Variants in RHEB observed in about 807,000 individuals in gnomAD.
RHEB encodes Ras homolog, mTORC1 binding.
Under a neutral mutation model 28.8 loss-of-function variants are expected in RHEB, and 2 were observed. The observed-to-expected ratio is 0.07, with a 90% CI of 0.03 to 0.22. RHEB has a LOEUF of 0.22. Among genes scored for constraint, RHEB ranks in the 10% least tolerant of loss-of-function variants. The pLI, the probability that RHEB is intolerant of heterozygous loss-of-function variation, is 1.00. For synonymous variants in RHEB, 69 were observed against 77.3 expected (o/e 0.89, Z 0.56); for missense variants, 76 against 219.9 (o/e 0.35, Z 4.14).
At chr7:151,477,556 A>G (rs1192298369) in intron 3 of RHEB, 141 bp from the exon 4 acceptor site, 1 of 578,146 alleles carries the variant, frequency 1.7e-6, no homozygotes, top group Non-Finnish European at 3.0e-6. Context: ...ACAGCCTACA[A>G]AGTGAAGCTT....
At position 151,470,591 on chromosome 7, in the gene RHEB, A is replaced by T. The variant is rs200316171; in HGVS notation, c.442T>A (p.Ser148Thr). Reference protein sequence around the residue: ...AESWNAAFLESSAKENQTAVD... With the variant: ...AESWNAAFLETSAKENQTAVD... ...GTTACCTGATTTTCTTTAGCAGAAG[A>T]TTCCAAAAAAGCTGCATTCCAAGAT... Residue 148 changes from serine (S) to threonine (T), a missense_variant, in exon 7 of 8, where the codon TCT becomes ACT. Transcript: ENST00000262187. 6.2e-7 allele frequency: 1 copy of T among 1,612,476 alleles called. No homozygotes were observed.
intron 1 of RHEB, among the ~76,000 whole-genome samples, chr7:151,492,562 A>T (rs1802602475): frequency 8.3e-6 from 1 of 120,160 alleles, no homozygotes; most frequent in Non-Finnish European, 2.0e-5. Context: ...GGTTGCAGTG[A>T]GCTGAGATGG....
chr7:151,505,802 G>T (rs890439082), intron 1 of RHEB, among the ~76,000 whole-genome samples: 1 of 152,172 alleles, frequency 6.6e-6, no homozygotes, highest in African/African-American at 2.4e-5. Flanking sequence ...CCATTCAACA[G>T]AATACCACTT....
chr7:151,498,441 AC>A (rs1048784298), intron 1 of RHEB, among the ~76,000 whole-genome samples: 1 of 151,052 alleles, frequency 6.6e-6, no homozygotes, highest in African/African-American at 2.4e-5. Context: ...ACACAGTGAG[AC>A]CCCCCCAGTC....
In RHEB at chr7:151,510,654, T is replaced by C. The variant is rs1050642661; in HGVS notation, c.52+8806A>G. 5.9e-5 allele frequency among the ~76,000 whole-genome samples: 9 copies of C among 152,370 alleles called. No homozygotes were observed. The East Asian group carries it at 1.3e-3, about 23-fold the overall frequency. On this transcript the variant is annotated intron_variant, in intron 1 of 7. Transcript: ENST00000262187. ...GTAGAGCATTTATTCAAATGCTTAA[T>C]GAACACCTAATTTGAATAACACATA... is the stretch of plus-strand genomic sequence containing the variant.
intron 7 of RHEB, 70 bp from the exon 8 acceptor site, chr7:151,467,281 A>G: frequency 8.5e-7 from 1 of 1,179,820 alleles, no homozygotes; most frequent in Non-Finnish European, 1.3e-6. Context: ...TTACGGACTG[A>G]GGAGGGCGTG....
chr7:151,518,235 G>A lies in RHEB; in HGVS notation c.52+1225C>T, dbSNP rs77655321. Among the ~76,000 whole-genome samples the A allele has an allele frequency of 6.3e-3, 962 of 152,298 alleles. 15 individuals are homozygous for A. The highest frequency in any genetic ancestry group is 0.022 in the African/African-American group (903 of 41,558). ...TTTCCCCCCGGCTCTCGACGGAGAGGTGGTAAAAGGATGAGTAAGCATGCA... is the reference window on the plus strand; with the variant it reads ...TTTCCCCCCGGCTCTCGACGGAGAGATGGTAAAAGGATGAGTAAGCATGCA... On this transcript the variant is annotated intron_variant, in intron 1 of 7. Transcript: ENST00000262187.
At chr7:151,514,259 A>G (rs1237061698) in intron 1 of RHEB, among the ~76,000 whole-genome samples, 1 of 152,274 alleles carries the variant, frequency 6.6e-6, no homozygotes, top group African/African-American at 2.4e-5. Context: ...AAGAGTTAAC[A>G]GGATAAAATA....
intron 3 of RHEB, among the ~76,000 whole-genome samples, chr7:151,482,742 C>G (rs1802400535): frequency 6.6e-6 from 1 of 152,176 alleles, no homozygotes; most frequent in Non-Finnish European, 1.5e-5. Flanking sequence ...TTATTATTAG[C>G]ACCCCCAGCC....
At chr7:151,495,041 T>C (rs954085039) in intron 1 of RHEB, among the ~76,000 whole-genome samples, 1 of 152,232 alleles carries the variant, frequency 6.6e-6, no homozygotes, top group African/African-American at 2.4e-5. Context: ...TTTTCTAGTT[T>C]GTTTGCAACC....
At chr7:151,508,136 T>G (rs1267535001) in intron 1 of RHEB, among the ~76,000 whole-genome samples, 1 of 152,040 alleles carries the variant, frequency 6.6e-6, no homozygotes, top group Non-Finnish European at 1.5e-5. Context: ...GGGATACAGG[T>G]GAGGGTGGGA....
intron 3 of RHEB, among the ~76,000 whole-genome samples, chr7:151,481,538 G>A (rs531175544): frequency 6.6e-6 from 1 of 152,344 alleles, no homozygotes; most frequent in Admixed American, 6.5e-5. Flanking sequence ...AGCTCTTGGA[G>A]CAGTAAACAC....
chr7:151,471,452 GAA>G lies in RHEB; in HGVS notation c.333-13_333-12del. On this transcript the variant is annotated splice_polypyrimidine_tract_variant and intron_variant, in intron 5 of 7. Transcript: ENST00000262187. ...AACATAATAGGTATTCTATTTGTAA[GAA>G]AAAAAAGACAAACCAGTAAGTGCCA... The G allele has an allele frequency of 6.4e-7, 1 of 1,561,834 alleles. No homozygotes were observed.
chr7:151,499,975 GT>G (rs890957749), intron 1 of RHEB, among the ~76,000 whole-genome samples: 71 of 152,120 alleles, frequency 4.7e-4, no homozygotes, highest in South Asian at 1.5e-3. Context: ...CACCCAGTGA[GT>G]TTTTTTTGTA....
rs188984338 is a variant in RHEB, at chr7:151,475,837, A to G, written c.275+1496T>C. ...ATGGAAAAATATATATTACATGGTA[A>G]GTAAAAATATAAAAACATGGAAAAT... On this transcript the variant is annotated intron_variant, in intron 4 of 7. Transcript: ENST00000262187. Among the ~76,000 whole-genome samples, 36 of 152,362 alleles carry G rather than the reference A, an allele frequency of 2.4e-4. No individual in the cohort carries two copies. In the East Asian group the frequency reaches 5.8e-3, roughly 24 times the overall value.
At position 151,466,211 on chromosome 7, in the gene RHEB, G is replaced by C. The variant is rs190849626; in HGVS notation, c.*908C>G. The C allele has an allele frequency of 1.3e-5, 2 of 152,330 alleles. No homozygotes were observed. The highest frequency in any genetic ancestry group is 1.3e-4 in the Admixed American group (2 of 15,300). 9.4% of individuals were successfully genotyped at this position (152,330 alleles called of 1,614,324 possible). A position where few individuals can be genotyped will look rare whatever the true frequency, so the allele number is the denominator to read the frequency against. On this transcript the variant is annotated 3_prime_UTR_variant, in exon 8 of 8. Transcript: ENST00000262187. ...CCTTTACAGCTGCTCCTTGGACAGA[G>C]GGAGGCCCGTCATCTGGGTCTGAAG...
rs530829854 is a variant in RHEB at position 151,487,464 on chromosome 7, C to T, written c.125-2660G>A. Among the ~76,000 whole-genome samples the T allele has an allele frequency of 2.7e-5, 4 of 146,992 alleles. No individual in the cohort carries two copies. In the South Asian group the frequency reaches 8.6e-4, roughly 32 times the overall value. ...ACCAGGGCACCCCATGTTGCCAAGT[C>T]AAAAAAATGCAGAAGATTCGGCCAA... On this transcript the variant is annotated intron_variant, in intron 2 of 7. Transcript: ENST00000262187.
At chr7:151,481,710 CA>C (rs1289434741) in intron 3 of RHEB, among the ~76,000 whole-genome samples, 7 of 152,170 alleles carry the variant, frequency 4.6e-5, no homozygotes, top group Non-Finnish European at 8.8e-5. Flanking sequence ...GCAATGACTA[CA>C]AATAATTTAA....
rs376087347 is a variant in RHEB at position 151,467,084 on chromosome 7, A to T, written c.*35T>A. 2.7e-6 allele frequency: 4 copies of T among 1,476,014 alleles called. No individual in the cohort carries two copies. In the South Asian group the frequency reaches 3.4e-5, roughly 13 times the overall value. The allele number at this position is 1,476,014 out of a possible 1,614,324, so 91.4% of individuals were successfully genotyped here. ...CGGGCAGTTTGCTTCTTCAGGTAGA[A>T]TATATTCCCAGTGTCCTCAGGCTTT... is the stretch of plus-strand genomic sequence containing the variant. On this transcript the variant is annotated 3_prime_UTR_variant, in exon 8 of 8. Coordinates refer to ENST00000262187, the MANE Select transcript of RHEB (RefSeq NM_005614.4).
Sources: allele counts gnomAD v4.1 joint callset (sites outside exome capture counted in the v4.1 genomes callset), GRCh38; gene constraint gnomAD v4.1.1; transcripts MANE v1.5; gene names NCBI Gene and HGNC (gene_info 2026-07-23, HGNC 2026-07-21).